HIBADH: variants seen among roughly 807,000 people sequenced by gnomAD.
HIBADH encodes the protein 3-hydroxyisobutyrate dehydrogenase, mitochondrial.
HIBADH carries 25 observed loss-of-function variants against 36.1 expected under a neutral mutation model. The observed-to-expected ratio is 0.69, with a 90% CI of 0.50 to 0.97. The LOEUF is 0.97. Ranked by LOEUF, HIBADH falls within the 50% of genes least tolerant of loss-of-function variation. The pLI, the probability that HIBADH is intolerant of heterozygous loss-of-function variation, is 0.00. For synonymous variants in HIBADH, 160 were observed against 149.5 expected, an observed-to-expected ratio of 1.07 and a Z score of -0.51; for missense variants, 421 against 418.0, an observed-to-expected ratio of 1.01 and a Z score of -0.06.
At chr7:27,661,732 ATT>A (rs1420752594) in intron 1 of HIBADH, among the ~76,000 whole-genome samples, 1 of 151,810 alleles carries the variant, frequency 6.6e-6, no homozygotes, top group East Asian at 1.9e-4. Flanking sequence ...TAAACGATGC[ATT>A]GTTACAACTC....
intron 1 of HIBADH, among the ~76,000 whole-genome samples, chr7:27,662,376 C>T (rs1394905180): frequency 2.0e-5 from 3 of 152,074 alleles, no homozygotes; most frequent in East Asian, 1.9e-4. Context: ...CCTCGGAGTC[C>T]TAACTCCAAA....
chr7:27,579,863 T>C (rs1784764598), intron 4 of HIBADH, among the ~76,000 whole-genome samples: 2 of 152,218 alleles, frequency 1.3e-5, no homozygotes, highest in South Asian at 2.1e-4. Context: ...ATAATACCAT[T>C]TGACTCACAT....
intron 4 of HIBADH, among the ~76,000 whole-genome samples, chr7:27,598,551 C>A (rs566116370): frequency 6.6e-6 from 1 of 152,128 alleles, no homozygotes; most frequent in South Asian, 2.1e-4. Context: ...TACTATGATT[C>A]CATTTTCTTC....
At chr7:27,644,042 A>G (rs926001522) in intron 2 of HIBADH, among the ~76,000 whole-genome samples, 1 of 152,240 alleles carries the variant, frequency 6.6e-6, no homozygotes, top group Non-Finnish European at 1.5e-5. Context: ...GAACTTGAAT[A>G]TATCTTTTTT....
At chr7:27,609,521 T>C (rs1212115922) in intron 4 of HIBADH, among the ~76,000 whole-genome samples, 1 of 152,128 alleles carries the variant, frequency 6.6e-6, no homozygotes. Flanking sequence ...ATAAGTAAAA[T>C]TATGGGAAAA....
intron 4 of HIBADH, among the ~76,000 whole-genome samples, chr7:27,547,637 A>G (rs1462500826): frequency 6.6e-6 from 1 of 152,182 alleles, no homozygotes; most frequent in Non-Finnish European, 1.5e-5. Context: ...TTACAGACAA[A>G]GCATTTCTAT....
chr7:27,614,059 T>G (rs1195176343), intron 4 of HIBADH, among the ~76,000 whole-genome samples: 4 of 152,246 alleles, frequency 2.6e-5, no homozygotes, highest in African/African-American at 9.6e-5. Context: ...GGACTGTTTC[T>G]TTATAGTGCC....
chr7:27,617,167 T>G (rs1273566002), intron 4 of HIBADH, among the ~76,000 whole-genome samples: 1 of 152,220 alleles, frequency 6.6e-6, no homozygotes, highest in East Asian at 1.9e-4. Flanking sequence ...TTTTTATCTT[T>G]TATATTGTAT....
chr7:27,618,898 T>C (rs558984111), intron 4 of HIBADH, among the ~76,000 whole-genome samples: 3 of 152,276 alleles, frequency 2.0e-5, no homozygotes, highest in East Asian at 3.9e-4. Context: ...GAGTAGTTAC[T>C]CATTATTGCA....
chr7:27,572,329 C>A (rs1343345105), intron 4 of HIBADH, among the ~76,000 whole-genome samples: 1 of 152,140 alleles, frequency 6.6e-6, no homozygotes, highest in Non-Finnish European at 1.5e-5. Context: ...TATTTTATAG[C>A]AGCAGGGTAT....
intron 2 of HIBADH, among the ~76,000 whole-genome samples, chr7:27,638,940 A>G (rs1785907297): frequency 6.6e-6 from 1 of 152,228 alleles, no homozygotes; most frequent in South Asian, 2.1e-4. Context: ...TCAAAAAATA[A>G]GAGATGCTGG....
intron 1 of HIBADH, among the ~76,000 whole-genome samples, chr7:27,658,632 G>C (rs980803233): frequency 5.3e-5 from 8 of 151,874 alleles, no homozygotes; most frequent in Non-Finnish European, 1.0e-4. Context: ...TAGAAAACTA[G>C]AATGAAAAAG....
intron 4 of HIBADH, among the ~76,000 whole-genome samples, chr7:27,575,465 A>C (rs1478003687): frequency 6.6e-6 from 1 of 152,236 alleles, no homozygotes; most frequent in Non-Finnish European, 1.5e-5. Flanking sequence ...AGAGCCTTGA[A>C]TGGCAGGCTG....
At chr7:27,618,613 C>T (rs1785477145) in intron 4 of HIBADH, among the ~76,000 whole-genome samples, 1 of 152,290 alleles carries the variant, frequency 6.6e-6, no homozygotes, top group Non-Finnish European at 1.5e-5. Context: ...CCACTGGTAA[C>T]CACTGACACA....
chr7:27,586,302 T>C (rs1305067235), intron 4 of HIBADH, among the ~76,000 whole-genome samples: 3 of 137,936 alleles, frequency 2.2e-5, no homozygotes, highest in Non-Finnish European at 4.6e-5. Flanking sequence ...ATTACAATAA[T>C]CCAGAGCAAC....
At position 27,629,442 on chromosome 7, in the gene HIBADH, G is replaced by T. The variant is rs766566036; in HGVS notation, c.413C>A (p.Ala138Glu). 1.9e-6 allele frequency: 3 copies of T among 1,609,462 alleles called. No homozygotes were observed. The East Asian group carries it at 6.7e-5, about 36-fold the overall frequency. ...TTCTTTGGCCAATTCTTTTGAAACT[G>T]CAGGATCAATAGTGCTGGAATCTAT... is the stretch of plus-strand genomic sequence containing the variant. ...LLIDSSTIDP[A>E]VSKELAKEVE... Residue 138 changes from alanine to glutamate, a missense_variant, in exon 4 of 8, where the codon GCA becomes GAA. By Grantham distance (107) the Ala-to-Glu change is moderately radical (BLOSUM62 -1). Coordinates refer to ENST00000265395, the MANE Select transcript of HIBADH (RefSeq NM_152740.4).
At chr7:27,574,922 A>T (rs1784686772) in intron 4 of HIBADH, among the ~76,000 whole-genome samples, 1 of 152,202 alleles carries the variant, frequency 6.6e-6, no homozygotes, top group Non-Finnish European at 1.5e-5. Flanking sequence ...AACTGTTTGT[A>T]TTCCCAGTGA....
At chr7:27,527,365 A>C (rs191532215) in intron 7 of HIBADH, among the ~76,000 whole-genome samples, 43 of 152,328 alleles carry the variant, frequency 2.8e-4, no homozygotes, top group Non-Finnish European at 5.9e-5. Flanking sequence ...CTGAAAGACA[A>C]GATCAGTTAA....
At chr7:27,618,199 G>A (rs1009443959) in intron 4 of HIBADH, among the ~76,000 whole-genome samples, 3 of 152,176 alleles carry the variant, frequency 2.0e-5, no homozygotes, top group Non-Finnish European at 4.4e-5. Flanking sequence ...TGCTATCACC[G>A]GAGGCTGGGC....
Sources: allele counts gnomAD v4.1 joint callset (sites outside exome capture counted in the v4.1 genomes callset), GRCh38; gene constraint gnomAD v4.1.1; transcripts MANE v1.5; gene names NCBI Gene and HGNC (gene_info 2026-07-23, HGNC 2026-07-21).